The following DEFB121 variants were observed in gnomAD, a reference collection of about 807,000 sequenced individuals.
The protein encoded by DEFB121 is defensin beta 121.
DEFB121 carries 5 observed loss-of-function variants against 2.5 expected under a neutral mutation model. The observed-to-expected ratio is 1.96, with a 90% CI of 1.03 to 4.13. The LOEUF (loss-of-function observed/expected upper bound fraction) is 4.13. Among genes scored for constraint, DEFB121 ranks in the 30% most tolerant of loss-of-function variants. DEFB121 has a pLI of 0.00. For synonymous variants in DEFB121, 39 were observed against 32.6 expected (o/e 1.20, Z -0.67); for missense variants, 87 against 85.0 (o/e 1.02, Z -0.09).
At chr20:31,411,025 T>A (rs1978648961), upstream of DEFB121, among the ~76,000 whole-genome samples, 1 of 152,226 alleles carries the variant, frequency 6.6e-6, no homozygotes, top group Non-Finnish European at 1.5e-5. Flanking sequence ...AAGTTTGCTC[T>A]TGTGAACACT....
At chr20:31,418,464 G>A in the DEFB121 span, among the ~76,000 whole-genome samples, 2 of 152,106 alleles carry the variant, frequency 1.3e-5, no homozygotes, top group South Asian at 4.2e-4. Context: ...TAGAAAACTG[G>A]CTGAAACAGG....
chr20:31,407,936 C>T (rs571343182), upstream of DEFB121, among the ~76,000 whole-genome samples: 1 of 152,236 alleles, frequency 6.6e-6, no homozygotes, highest in African/African-American at 2.4e-5. Flanking sequence ...CGCCACCACA[C>T]CCAGCTAATT....
intron 1 of DEFB121, among the ~76,000 whole-genome samples, chr20:31,412,260 T>C (rs890892872): frequency 1.3e-5 from 2 of 152,230 alleles, no homozygotes; most frequent in African/African-American, 4.8e-5. Context: ...CCTGGTGCTA[T>C]GTGTAACTAG....
At chr20:31,414,283 G>A (rs559411696), upstream of DEFB121, among the ~76,000 whole-genome samples, 6 of 151,988 alleles carry the variant, frequency 3.9e-5, no homozygotes, top group South Asian at 1.0e-3. Context: ...GGAAAGGAAG[G>A]AAAGGAAGGC....
upstream of DEFB121, among the ~76,000 whole-genome samples, chr20:31,417,682 G>A (rs1356742237): frequency 6.6e-6 from 1 of 152,128 alleles, no homozygotes; most frequent in African/African-American, 2.4e-5. Flanking sequence ...AGGGACAATG[G>A]TTGGGCACAG....
upstream of DEFB121, among the ~76,000 whole-genome samples, chr20:31,416,528 T>A (rs1274052913): frequency 6.6e-6 from 1 of 151,882 alleles, no homozygotes; most frequent in Non-Finnish European, 1.5e-5. Flanking sequence ...GAGTGTAGAG[T>A]CTCAGAATTC....
chr20:31,410,565 T>A (rs916133194), upstream of DEFB121, among the ~76,000 whole-genome samples: 3 of 151,982 alleles, frequency 2.0e-5, no homozygotes, highest in African/African-American at 7.3e-5. Context: ...CCAATGACAA[T>A]AAATCTGCCA....
upstream of DEFB121, among the ~76,000 whole-genome samples, chr20:31,407,724 C>T (rs1180708896): frequency 6.6e-6 from 1 of 152,210 alleles, no homozygotes; most frequent in Non-Finnish European, 1.5e-5. Flanking sequence ...GCAGATAGAT[C>T]AGGAAAGAGC....
upstream of DEFB121, among the ~76,000 whole-genome samples, chr20:31,415,204 A>G (rs1461961137): frequency 1.3e-5 from 2 of 151,852 alleles, no homozygotes; most frequent in Non-Finnish European, 2.9e-5. Flanking sequence ...ATAAAATAAA[A>G]TCTTTGAAAA....
chr20:31,406,650 A>G (rs1430433459), upstream of DEFB121, among the ~76,000 whole-genome samples: 4 of 152,154 alleles, frequency 2.6e-5, no homozygotes, highest in Admixed American at 1.3e-4. Flanking sequence ...CATGGCCATC[A>G]CCACTGGAAA....
At chr20:31,416,023 A>G (rs1408206072), upstream of DEFB121, among the ~76,000 whole-genome samples, 1 of 151,780 alleles carries the variant, frequency 6.6e-6, no homozygotes, top group Non-Finnish European at 1.5e-5. Context: ...GGAGGTTGAA[A>G]AGGCAGAGAT....
chr20:31,413,341 A>G (rs1005129995), upstream of DEFB121, among the ~76,000 whole-genome samples: 24 of 152,362 alleles, frequency 1.6e-4, no homozygotes, highest in Non-Finnish European at 2.6e-4. Context: ...AATCTTGATT[A>G]AGTACCTTTT....
intron 1 of DEFB121, among the ~76,000 whole-genome samples, chr20:31,411,791 G>C (rs1030781838): frequency 6.6e-6 from 1 of 152,202 alleles, no homozygotes; most frequent in Non-Finnish European, 1.5e-5. Flanking sequence ...CAGTTACCTG[G>C]ACCTAAGTCC....
At chr20:31,418,259 CAAAAAAAAA>C in the DEFB121 span, among the ~76,000 whole-genome samples, 4 of 82,922 alleles carry the variant, frequency 4.8e-5, no homozygotes, top group East Asian at 1.2e-3. Flanking sequence ...GACTCCGTCT[CAAAAAAAAA>C]AAAAAAAAAA....
At chr20:31,410,823 TGAGAGAGA>T (rs72164704), upstream of DEFB121, among the ~76,000 whole-genome samples, 43 of 136,146 alleles carry the variant, frequency 3.2e-4, no homozygotes, top group South Asian at 1.8e-3. Context: ...CCTTGAAAAA[TGAGAGAGA>T]GAGAGAGAGA....
upstream of DEFB121, among the ~76,000 whole-genome samples, chr20:31,410,221 C>T (rs1449322351): frequency 1.3e-5 from 2 of 152,150 alleles, no homozygotes; most frequent in African/African-American, 4.8e-5. Flanking sequence ...AACATGGATG[C>T]AGCTGGAGGT....
At chr20:31,407,938 C>G (rs969905077), upstream of DEFB121, among the ~76,000 whole-genome samples, 2 of 152,084 alleles carry the variant, frequency 1.3e-5, no homozygotes, top group African/African-American at 4.8e-5. Context: ...CCACCACACC[C>G]AGCTAATTTT....
At chr20:31,410,118 A>G (rs557615307), upstream of DEFB121, among the ~76,000 whole-genome samples, 1 of 152,250 alleles carries the variant, frequency 6.6e-6, no homozygotes, top group East Asian at 1.9e-4. Flanking sequence ...ATAACATAAA[A>G]CCACTTAAAA....
In DEFB121 at chr20:31,405,075, A is replaced by C. The variant is rs1285828088; in HGVS notation, c.69T>G (p.Cys23Trp). The stretch of plus-strand genomic sequence containing the variant: ...TTCTGCACCTGCCTGACTTGCCCCA[A>C]CATTTCATGACTGAAAACAAAAGGG... ...LLAQVTPVMKCWGKSGRCRTT... is the reference protein window; with the variant it reads ...LLAQVTPVMKWWGKSGRCRTT... Residue 23 changes from cysteine (C) to tryptophan (W), a missense_variant, in exon 2 of 2, where the codon TGT (cysteine) becomes TGG (tryptophan). Physicochemically the swap from Cys to Trp is radical, Grantham distance 215. Transcript: ENST00000376314. 4 of 1,593,576 alleles carry C rather than the reference A, an allele frequency of 2.5e-6. No individual in the cohort carries two copies. The East Asian group carries it at 9.0e-5, about 36-fold the overall frequency.
Sources: gnomAD v4.1 joint callset for allele counts (sites outside exome capture counted in the v4.1 genomes callset) on GRCh38, gnomAD v4.1.1 for gene constraint, MANE v1.5 for transcripts, NCBI Gene and HGNC (gene_info 2026-07-23, HGNC 2026-07-21) for gene names.